Variants in ZAN observed in about 807,000 individuals in gnomAD.
ZAN encodes the protein zonadhesin, also known as zonadhesin (gene/pseudogene).
A neutral mutation model predicts 286.2 loss-of-function variants in ZAN; 260 were observed. That is an observed-to-expected ratio of 0.91 (90% CI 0.82 to 1.01). The LOEUF (loss-of-function observed/expected upper bound fraction) is 1.01, where lower values mean the gene tolerates loss of function less well. ZAN is among the 50% of genes least tolerant of loss of function. The pLI is 0.00. For synonymous variants in ZAN, 1,368 were observed against 1,417.5 expected, an observed-to-expected ratio of 0.97 and a Z score of 0.79; for missense variants, 3,410 against 3,639.2, an observed-to-expected ratio of 0.94 and a Z score of 1.62.
In ZAN at chr7:100,735,871, C is replaced by T. The variant is rs1807258900; in HGVS notation, c.106+99C>T. The stretch of plus-strand genomic sequence containing the variant: ...TTCCTGAGTTCCTAGCAGGAGCAGC[C>T]ACCTCCAGTCCCCTCCGGGCATCAG... On this transcript the variant is annotated intron_variant, in intron 3 of 47. Coordinates refer to ENST00000613979, the MANE Select transcript of ZAN (RefSeq NM_003386.3). The T allele has an allele frequency of 5.2e-6, 5 of 963,790 alleles. 1 individual carries two copies. Among genetic ancestry groups the T allele is most frequent in the East Asian group, 2.7e-5 (1 of 36,532 alleles). The allele number at this position is 963,790 out of a possible 1,614,324, so 59.7% of individuals were successfully genotyped here.
chr7:100,792,753 A>T (rs1271186391), intron 42 of ZAN, among the ~76,000 whole-genome samples: 2 of 151,890 alleles, frequency 1.3e-5, no homozygotes, highest in South Asian at 4.1e-4. Flanking sequence ...CCCATCCCGC[A>T]TCCCGCTCCT....
Position 100,748,325 on chromosome 7 carries a change from G to C in ZAN, c.1104G>C (p.Glu368Asp), listed in dbSNP as rs1808376280. 1 of 1,614,000 alleles carries C rather than the reference G, an allele frequency of 6.2e-7. No individual in the cohort carries two copies. The highest frequency in any genetic ancestry group is 2.2e-5 in the East Asian group (1 of 44,878). The stretch of plus-strand genomic sequence containing the variant: ...AAATATCCTATTTTGATCCCCCAGA[G>C]GGTTTTCCTCAGTGTGACTTTGAAG... ...VDATSIAPCG[E>D]GFPQCDFEDN... Residue 368 changes from glutamate (E) to aspartate (D), a missense_variant and splice_region_variant, in exon 11 of 48, where the codon GAG becomes GAC. Around this residue, in one of 7 missense-constraint regions of ZAN, gnomAD observed 872 missense variants for 938.9 expected, o/e 0.93. Coordinates refer to ENST00000613979, the MANE Select transcript of ZAN (RefSeq NM_003386.3).
At position 100,737,340 on chromosome 7, in the gene ZAN, T is replaced by G. The variant is rs1368315784; in HGVS notation, c.604T>G (p.Cys202Gly). The change falls in exon 6 of 48, where the codon TGT becomes GGT. Residue 202 changes from cysteine (C) to glycine (G), a missense_variant. Cys to Gly is a radical substitution (Grantham distance 159, BLOSUM62 -3). Transcript: ENST00000613979. ...TGCCCTCTCTATCCGCCGGGGCTCC[T>G]GTAATCGCGGTGAGTCCCTGTCCCT... ...LDALSIRRGS[C>G]NRVCMMQTCS... 6.8e-7 allele frequency: 1 copy of G among 1,466,728 alleles called. No individual in the cohort carries two copies. The highest frequency in any genetic ancestry group is 1.2e-5 in the South Asian group (1 of 82,734). The allele number at this position is 1,466,728 out of a possible 1,614,324, so 90.9% of individuals were successfully genotyped here. A position where few individuals can be genotyped will look rare whatever the true frequency, so the allele number is the denominator to read the frequency against.
Position 100,776,437 on chromosome 7 carries a change from C to G in ZAN, c.6193-3C>G. 6.2e-7 allele frequency: 1 copy of G among 1,604,732 alleles called. No homozygotes were observed. The highest frequency in any genetic ancestry group is 8.5e-7 in the Non-Finnish European group (1 of 1,175,650). ...GCACCGAAAAACCACTCTCCCCCGC[C>G]AGGTCTGCGGCATGTGTGGGAACTT... On this transcript the variant is annotated splice_region_variant and splice_polypyrimidine_tract_variant and intron_variant, in intron 33 of 47. Coordinates refer to ENST00000613979, the MANE Select transcript of ZAN (RefSeq NM_003386.3).
At position 100,760,479 on chromosome 7, in the gene ZAN, A is replaced by G. The variant is rs759661177; in HGVS notation, c.3785A>G (p.Glu1262Gly). Residue 1262 changes from glutamate to glycine, a missense_variant, in exon 19 of 48, where the codon GAG (glutamate) becomes GGG (glycine). Coordinates refer to ENST00000613979, the MANE Select transcript of ZAN (RefSeq NM_003386.3). ...ASGRFVELQT[E>G]FGLRVRWDGD... ...GGGCGGTTTGTGGAGCTGCAGACGG[A>G]GTTCGGTTTGCGGGTGAGATGGGAT... 4.3e-6 allele frequency: 7 copies of G among 1,613,774 alleles called. No individual in the cohort carries two copies. The Admixed American group carries it at 1.2e-4, about 27-fold the overall frequency.
intron 29 of ZAN, among the ~76,000 whole-genome samples, chr7:100,772,822 G>A (rs1810468378): frequency 6.9e-6 from 1 of 145,784 alleles, no homozygotes; most frequent in South Asian, 2.2e-4. Flanking sequence ...CTGTCTACAA[G>A]AAAAAAAAAA....
chr7:100,795,755 AGT>A lies in ZAN; in HGVS notation c.8266+420_8266+421del, dbSNP rs1793512494. Among the ~76,000 whole-genome samples the A allele has an allele frequency of 7.3e-5, 11 of 151,678 alleles. No individual in the cohort carries two copies. In the South Asian group the frequency reaches 2.3e-3, roughly 32 times the overall value. On this transcript the variant is annotated intron_variant, in intron 45 of 47. Coordinates refer to ENST00000613979, the MANE Select transcript of ZAN (RefSeq NM_003386.3). ...CCCCGTCTCTACTAAAAATACAAAA[AGT>A]TAGCCGGGTGTGGTGGTGTGCGCCT...
In ZAN at chr7:100,773,805, A is replaced by T. The variant is rs757339005; in HGVS notation, c.5719A>T (p.Thr1907Ser). 6.8e-6 allele frequency: 11 copies of T among 1,612,318 alleles called. No individual in the cohort carries two copies. Residue 1907 changes from threonine to serine, a missense_variant, in exon 31 of 48, where the codon ACC (threonine) becomes TCC (serine). Thr to Ser is a moderately conservative substitution (Grantham distance 58). This residue lies in a region of ZAN where 1,289 missense variants were observed against 1,314.3 expected (regional missense o/e 0.98). Transcript: ENST00000613979. ...CAACAACATCACCTGCTTCCAGAGCACCTGCAAACCCAACCAGATATGCTG... is the reference window on the plus strand; with the variant it reads ...CAACAACATCACCTGCTTCCAGAGCTCCTGCAAACCCAACCAGATATGCTG... ...VHNNITCFQS[T>S]CKPNQICWAL...
chr7:100,758,684 GA>G, intron 17 of ZAN, 34 bp downstream of exon 17: 1 of 1,546,902 alleles, frequency 6.5e-7, no homozygotes, highest in Non-Finnish European at 8.7e-7. Context: ...GGCCTGGGGG[GA>G]GGGTCTGTGG....
At chr7:100,755,054 T>C (rs1809044277) in intron 14 of ZAN, among the ~76,000 whole-genome samples, 172 bp from the exon 15 acceptor site, 2 of 152,250 alleles carry the variant, frequency 1.3e-5, no homozygotes, top group African/African-American at 2.4e-5. Flanking sequence ...CCTCCCAAAG[T>C]GCTGGGATTA....
chr7:100,763,844 A>AT lies in ZAN; in HGVS notation c.4027dup (p.Ser1343PhefsTer24), dbSNP rs1809754950. 2 of 1,613,984 alleles carry AT rather than the reference A, an allele frequency of 1.2e-6. No homozygotes were observed. The highest frequency in any genetic ancestry group is 1.7e-5 in the Admixed American group (1 of 60,016). ...CAGGTGGTGAATTCCCCGTCTTGTG[A>AT]TTCATCTCTGCAGAGCAGCATGTCG... On this transcript the variant is annotated frameshift_variant, in exon 21 of 48. Coordinates refer to ENST00000613979, the MANE Select transcript of ZAN (RefSeq NM_003386.3). LOFTEE classifies it high-confidence loss of function. The surrounding 1 kb of genome is among the most constrained non-coding windows in gnomAD (Gnocchi z 4.6).
Position 100,762,317 on chromosome 7 carries a change from G to T in ZAN, c.3945G>T (p.Glu1315Asp). 1 of 1,613,626 alleles carries T rather than the reference G, an allele frequency of 6.2e-7. No individual in the cohort carries two copies. The highest frequency in any genetic ancestry group is 1.1e-5 in the South Asian group (1 of 91,060). ...LDGSPAGDKE[E>D]LGNSWQTDQD... ...GCAGCCCAGCAGGAGACAAGGAGGA[G>T]CTGGGGAACAGCTGGCAGACGGACC... Residue 1315 changes from glutamate to aspartate, a missense_variant, in exon 20 of 48, where the codon GAG (glutamate) becomes GAT (aspartate). Coordinates refer to ENST00000613979, the MANE Select transcript of ZAN (RefSeq NM_003386.3).
At position 100,752,623 on chromosome 7, in the gene ZAN, A is replaced by G. The variant is rs1335111248; in HGVS notation, c.2518A>G (p.Thr840Ala). The G allele has an allele frequency of 1.9e-6, 3 of 1,610,242 alleles. No individual in the cohort carries two copies. In the East Asian group the frequency reaches 6.7e-5, roughly 36 times the overall value. Reference sequence around the variant, plus strand: ...CTCTGTTGAAGAGACTACCATCTCTACAGAAAAACTCACCATCCCCATGGA... The same window carrying G: ...CTCTGTTGAAGAGACTACCATCTCTGCAGAAAAACTCACCATCCCCATGGA... Reference protein sequence around the residue: ...TTSVEETTISTEKLTIPMEKP... With the variant: ...TTSVEETTISAEKLTIPMEKP... Residue 840 changes from threonine to alanine, a missense_variant, in exon 14 of 48, where the codon ACA (threonine) becomes GCA (alanine). Transcript: ENST00000613979.
chr7:100,786,290 A>G (rs1811563107), intron 37 of ZAN, 149 bp downstream of exon 37: 2 of 1,262,658 alleles, frequency 1.6e-6, no homozygotes, highest in Admixed American at 2.2e-5. Context: ...CCTGGCCTCC[A>G]GTTTAGCTCT....
At chr7:100,765,582 C>T (rs1368225496) in intron 23 of ZAN, 28 bp downstream of exon 23, 1 of 1,571,904 alleles carries the variant, frequency 6.4e-7, no homozygotes. Flanking sequence ...CCTCTCAGCC[C>T]TGCAGCTAGA....
At chr7:100,795,997 T>G (rs1812337746) in intron 45 of ZAN, among the ~76,000 whole-genome samples, 1 of 152,070 alleles carries the variant, frequency 6.6e-6, no homozygotes, top group Non-Finnish European at 1.5e-5. Flanking sequence ...CGAGACCCGC[T>G]TGAACCCGGG....
chr7:100,792,656 C>T (rs1205419032), intron 42 of ZAN, 177 bp downstream of exon 42: 5 of 1,380,652 alleles, frequency 3.6e-6, no homozygotes, highest in Non-Finnish European at 4.7e-6. Context: ...TCCCATCATC[C>T]CTCGAATTTC....
Position 100,737,428 on chromosome 7 carries a change from C to A in ZAN, c.613+79C>A. The A allele has an allele frequency of 2.8e-6, 3 of 1,080,910 alleles. 1 individual carries two copies. Among genetic ancestry groups the A allele is most frequent in the Non-Finnish European group, 1.3e-6 (1 of 767,232 alleles). 67.0% of individuals were successfully genotyped at this position (1,080,910 alleles called of 1,614,324 possible). A position where few individuals can be genotyped will look rare whatever the true frequency, so the allele number is the denominator to read the frequency against. ...TGCACAACAAGAAGAGGATCCAGGG[C>A]GGGCGCGGTGGCTCATGCCTGTAAT... On this transcript the variant is annotated intron_variant, in intron 6 of 47. Transcript: ENST00000613979.
At position 100,767,940 on chromosome 7, in the gene ZAN, G is replaced by T. The variant is rs982441699; in HGVS notation, c.4970G>T (p.Arg1657Leu). The stretch of plus-strand genomic sequence containing the variant: ...TACACGAACTTTGGGCTCCAAGTTC[G>T]CTACGACGGGAGCCACTTGGTGGAA... Reference protein sequence around the residue: ...LLYTNFGLQVRYDGSHLVEVT... With the variant: ...LLYTNFGLQVLYDGSHLVEVT... The change falls in exon 26 of 48, where the codon CGC becomes CTC. Residue 1657 changes from arginine (R) to leucine (L), a missense_variant. By Grantham distance (102) the Arg-to-Leu change is moderately radical (BLOSUM62 -2). This residue lies in a region of ZAN where 1,042 missense variants were observed against 1,058.0 expected (regional missense o/e 0.98). Coordinates refer to ENST00000613979, the MANE Select transcript of ZAN (RefSeq NM_003386.3). 6.2e-7 allele frequency: 1 copy of T among 1,613,940 alleles called. No homozygotes were observed. Among genetic ancestry groups the T allele is most frequent in the Non-Finnish European group, 8.5e-7 (1 of 1,179,866 alleles).
Sources: gnomAD v4.1 joint callset for allele counts (sites outside exome capture counted in the v4.1 genomes callset) on GRCh38, gnomAD v4.1.1 for gene constraint, gnomAD v4.1.1 regional missense constraint, Gnocchi (gnomAD v3.1) non-coding constraint, MANE v1.5 for transcripts, NCBI Gene and HGNC (gene_info 2026-07-23, HGNC 2026-07-21) for gene names.